ZNF423: variants seen among roughly 807,000 people sequenced by gnomAD.
ZNF423 encodes the protein Ebf-associated zinc finger protein.
In ZNF423, 12 loss-of-function variants were observed where a neutral mutation model predicts 95.8. The observed-to-expected ratio is 0.13, with a 90% CI of 0.08 to 0.20. ZNF423 has a LOEUF of 0.20. Among genes scored for constraint, ZNF423 ranks in the 10% least tolerant of loss-of-function variants. The probability of loss-of-function intolerance (pLI) is 1.00; values close to 1 mark genes in which losing one functional copy is unlikely to be tolerated. For missense variants in ZNF423, 1,316 were observed against 1,737.1 expected (o/e 0.76, Z 4.31); for synonymous variants, 749 against 711.9 (o/e 1.05, Z -0.83).
intron 2 of ZNF423, among the ~76,000 whole-genome samples, chr16:49,760,937 C>T (rs182515352): frequency 2.6e-5 from 4 of 151,422 alleles, no homozygotes; most frequent in African/African-American, 4.9e-5. Context: ...CACACACACA[C>T]GTACACACAC....
intron 7 of ZNF423, among the ~76,000 whole-genome samples, chr16:49,498,210 C>A (rs879551425): frequency 2.0e-4 from 30 of 152,312 alleles, no homozygotes; most frequent in Non-Finnish European, 3.8e-4. Context: ...GACTGCCCTG[C>A]GCATTAAATA....
Position 49,850,349 on chromosome 16 carries a change from T to A in ZNF423, c.40+5386A>T, listed in dbSNP as rs1028956131. On this transcript the variant is annotated intron_variant, in intron 1 of 7. Coordinates refer to ENST00000563137, the MANE Select transcript of ZNF423 (RefSeq NM_001379286.1). The stretch of plus-strand genomic sequence containing the variant: ...CTCTGATTACCCGCTAACATGTCCA[T>A]GCACAAGATGCCCTTGCAAGCTGAC... Among the ~76,000 whole-genome samples, 6 of 152,232 alleles carry A rather than the reference T, an allele frequency of 3.9e-5. No individual in the cohort carries two copies. The East Asian group carries it at 1.2e-3, about 29-fold the overall frequency.
intron 2 of ZNF423, among the ~76,000 whole-genome samples, chr16:49,760,947 C>T (rs770604620): frequency 5.7e-4 from 87 of 152,020 alleles, no homozygotes; most frequent in African/African-American, 1.9e-3. Flanking sequence ...CGTACACACA[C>T]GCATACATGC....
At chr16:49,806,976 G>A (rs10153192) in intron 1 of ZNF423, among the ~76,000 whole-genome samples, 7,205 of 150,610 alleles carry the variant, frequency 0.048, 561 homozygotes, top group African/African-American at 0.17. Flanking sequence ...GCAGCGAGCC[G>A]AGATCGTGCC....
At chr16:49,761,407 C>T (rs998975717) in intron 2 of ZNF423, among the ~76,000 whole-genome samples, 1 of 152,228 alleles carries the variant, frequency 6.6e-6, no homozygotes, top group Non-Finnish European at 1.5e-5. Context: ...CCCCAGCGAG[C>T]CTGCTCAAAT....
chr16:49,612,755 T>C (rs765453651), intron 5 of ZNF423, among the ~76,000 whole-genome samples: 48 of 152,132 alleles, frequency 3.2e-4, no homozygotes, highest in Non-Finnish European at 5.9e-4. Flanking sequence ...AATTTACAGA[T>C]GGCATGATTG....
At chr16:49,733,194 G>A (rs963110299) in intron 2 of ZNF423, among the ~76,000 whole-genome samples, 2 of 145,996 alleles carry the variant, frequency 1.4e-5, no homozygotes, top group Admixed American at 1.4e-4. Flanking sequence ...GAAATTCCTC[G>A]TTTACAGTCT....
chr16:49,722,601 G>A (rs545036961), intron 3 of ZNF423, among the ~76,000 whole-genome samples: 1 of 152,260 alleles, frequency 6.6e-6, no homozygotes, highest in South Asian at 2.1e-4. Context: ...ATTAATTGAG[G>A]ACCTACTATG....
At chr16:49,616,533 A>AT (rs1458488209) in intron 5 of ZNF423, among the ~76,000 whole-genome samples, 1 of 152,094 alleles carries the variant, frequency 6.6e-6, no homozygotes, top group Non-Finnish European at 1.5e-5. Context: ...TAGATACCCC[A>AT]TTTTCCCTGA....
At chr16:49,567,631 T>C (rs1277514751) in intron 5 of ZNF423, among the ~76,000 whole-genome samples, 3 of 152,078 alleles carry the variant, frequency 2.0e-5, no homozygotes, top group African/African-American at 7.2e-5. Flanking sequence ...AGGGAAGGCA[T>C]TGAAAAGAGC....
At chr16:49,650,858 A>G (rs531666125) in intron 3 of ZNF423, among the ~76,000 whole-genome samples, 1 of 152,324 alleles carries the variant, frequency 6.6e-6, no homozygotes, top group South Asian at 2.1e-4. Context: ...TGATGCCCTG[A>G]GCAATGGGTC....
intron 1 of ZNF423, among the ~76,000 whole-genome samples, chr16:49,849,833 A>G (rs1245376232): frequency 6.6e-6 from 1 of 152,272 alleles, no homozygotes; most frequent in African/African-American, 2.4e-5. Flanking sequence ...TTGCAAGTAG[A>G]ACAACAGCAA....
At chr16:49,539,972 A>C (rs1969192401) in intron 5 of ZNF423, among the ~76,000 whole-genome samples, 1 of 152,104 alleles carries the variant, frequency 6.6e-6, no homozygotes, top group Non-Finnish European at 1.5e-5. Context: ...TCAGTGACCC[A>C]GGGCCCAGGA....
At chr16:49,664,250 C>T (rs2030412246) in intron 3 of ZNF423, 8 of 985,442 alleles carry the variant, frequency 8.1e-6, no homozygotes, top group Admixed American at 6.1e-5. Flanking sequence ...GACGCATCCC[C>T]ACCCGGCCGC....
At chr16:49,755,132 C>G (rs35404348) in intron 2 of ZNF423, among the ~76,000 whole-genome samples, 90 of 152,272 alleles carry the variant, frequency 5.9e-4, no homozygotes, top group African/African-American at 1.7e-3. Context: ...CCTGTCCCCC[C>G]ACAAGTGCAA....
chr16:49,494,614 G>A (rs971128306), intron 7 of ZNF423, among the ~76,000 whole-genome samples: 1 of 152,218 alleles, frequency 6.6e-6, no homozygotes, highest in African/African-American at 2.4e-5. Flanking sequence ...TTGTGTGATG[G>A]TGGTGGGGAG....
chr16:49,767,359 G>C (rs114053359), intron 2 of ZNF423, among the ~76,000 whole-genome samples: 15 of 152,270 alleles, frequency 9.9e-5, no homozygotes, highest in African/African-American at 3.1e-4. Context: ...AGCAGAACTC[G>C]AAGTGGGCCA....
At chr16:49,569,730 T>TG (rs1172308412) in intron 5 of ZNF423, among the ~76,000 whole-genome samples, 24 of 152,206 alleles carry the variant, frequency 1.6e-4, no homozygotes, top group African/African-American at 4.3e-4. Flanking sequence ...GGAGTGCCCG[T>TG]GGAAAAAAAG....
At chr16:49,768,489 G>A (rs751983360) in intron 2 of ZNF423, among the ~76,000 whole-genome samples, 7 of 152,260 alleles carry the variant, frequency 4.6e-5, no homozygotes, top group Non-Finnish European at 7.4e-5. Flanking sequence ...CCACGCCATC[G>A]CCTGCTTTGG....
Sources: allele counts gnomAD v4.1 joint callset (sites outside exome capture counted in the v4.1 genomes callset), GRCh38; gene constraint gnomAD v4.1.1; transcripts MANE v1.5; gene names NCBI Gene and HGNC (gene_info 2026-07-23, HGNC 2026-07-21).